MYH11: variants seen among roughly 807,000 people sequenced by gnomAD.
The protein encoded by MYH11 is myosin-11.
In MYH11, 80 loss-of-function variants were observed where a neutral mutation model predicts 246.6. The ratio of observed to expected loss-of-function variants is 0.32; its 90% CI spans 0.27 to 0.39. The LOEUF is 0.39. Ranked by LOEUF, MYH11 falls within the 10% of genes least tolerant of loss-of-function variation. The probability of loss-of-function intolerance (pLI) is 1.00; values close to 1 mark genes in which losing one functional copy is unlikely to be tolerated. For missense variants in MYH11, 2,158 were observed against 2,546.8 expected, an observed-to-expected ratio of 0.85 and a Z score of 3.29; for synonymous variants, 1,071 against 1,015.5, an observed-to-expected ratio of 1.05 and a Z score of -1.04.
intron 13 of MYH11, among the ~76,000 whole-genome samples, chr16:15,757,569 T>C (rs1204219243): frequency 1.3e-5 from 1 of 74,550 alleles, no homozygotes; most frequent in Non-Finnish European, 2.8e-5. Flanking sequence ...GGAAAGAGGG[T>C]AGGGAAGAAA....
In MYH11 at chr16:15,776,090, C is replaced by G; in HGVS notation, c.877G>C (p.Glu293Gln). ...GCTAGTCACTTACTTCTCATCTTCT[C>G]CTTGGCTCCAGCAATCATGTAGTAA... is the stretch of plus-strand genomic sequence containing the variant. ...IFYYMIAGAK[E>Q]KMRSDLLLEG... Residue 293 changes from glutamate (E) to glutamine (Q), a missense_variant, in exon 8 of 41, where the codon GAG becomes CAG. Around this residue, in one of 11 missense-constraint regions of MYH11, gnomAD observed 123 missense variants for 207.1 expected, o/e 0.59. Transcript: ENST00000300036. The G allele has an allele frequency of 6.2e-7, 1 of 1,612,538 alleles. No individual in the cohort carries two copies. Among genetic ancestry groups the G allele is most frequent in the Non-Finnish European group, 8.5e-7 (1 of 1,178,514 alleles).
intron 36 of MYH11, 21 bp from the exon 37 acceptor site, chr16:15,718,459 G>A (rs1312097408): frequency 2.6e-6 from 4 of 1,544,306 alleles, no homozygotes; most frequent in Admixed American, 1.9e-5. Flanking sequence ...GGCGGCCATG[G>A]TGGGGGCCTC....
At position 15,717,034 on chromosome 16, in the gene MYH11, T is replaced by G. The variant is rs2040189512; in HGVS notation, c.5504+106A>C. ...CACTGTAGGCATCACAGAGCTTGCTTCTTACAAGCCAGAACTGATGCTGGA... is the reference window on the plus strand; with the variant it reads ...CACTGTAGGCATCACAGAGCTTGCTGCTTACAAGCCAGAACTGATGCTGGA... On this transcript the variant is annotated intron_variant, in intron 38 of 40. Transcript: ENST00000300036. 3.2e-6 allele frequency: 4 copies of G among 1,249,438 alleles called. No homozygotes were observed. The South Asian group carries it at 3.6e-5, about 11-fold the overall frequency. 77.4% of individuals were successfully genotyped at this position (1,249,438 alleles called of 1,614,324 possible). A position where few individuals can be genotyped will look rare whatever the true frequency, so the allele number is the denominator to read the frequency against.
chr16:15,767,487 T>A (rs1273958419), intron 9 of MYH11, among the ~76,000 whole-genome samples: 2 of 151,990 alleles, frequency 1.3e-5, no homozygotes, highest in Non-Finnish European at 2.9e-5. Context: ...TTACATTTAT[T>A]TTTTTTTCCT....
chr16:15,808,206 G>C (rs1109419), intron 3 of MYH11, among the ~76,000 whole-genome samples: 22,308 of 152,028 alleles, frequency 0.15, 2,160 homozygotes, highest in African/African-American at 0.27. Flanking sequence ...TGACTGTGAA[G>C]GTGGCCACTG....
At chr16:15,818,358 A>G (rs565039536) in intron 3 of MYH11, among the ~76,000 whole-genome samples, 3 of 152,352 alleles carry the variant, frequency 2.0e-5, no homozygotes, top group Admixed American at 1.3e-4. Context: ...GAATGGAGAA[A>G]AAATTAAGCA....
chr16:15,763,234 C>A (rs1014114543), intron 10 of MYH11, among the ~76,000 whole-genome samples: 1 of 152,180 alleles, frequency 6.6e-6, no homozygotes, highest in African/African-American at 2.4e-5. Flanking sequence ...CAATTGAGGT[C>A]TGTCTCCCCA....
chr16:15,779,065 C>A, intron 6 of MYH11: 1 of 642,230 alleles, frequency 1.6e-6, no homozygotes, highest in Non-Finnish European at 2.8e-6. Context: ...AAAACATGTT[C>A]ACAGATCAAT....
rs535669353 is a variant in MYH11, at chr16:15,765,485, AGATGGATGAATG to A, written c.1034-1606_1034-1595del. On this transcript the variant is annotated intron_variant, in intron 9 of 40. Transcript: ENST00000300036. ...GATGGACAGATGATGGATGGATGGT[AGATGGATGAATG>A]GATGGATGATGATTAATGCAAATTC... is the stretch of plus-strand genomic sequence containing the variant. 2.3e-4 allele frequency among the ~76,000 whole-genome samples: 35 copies of A among 152,218 alleles called. No individual in the cohort carries two copies. In the East Asian group the frequency reaches 6.2e-3, roughly 27 times the overall value.
At chr16:15,844,586 G>A (rs1365030578) in intron 1 of MYH11, among the ~76,000 whole-genome samples, 1 of 152,222 alleles carries the variant, frequency 6.6e-6, no homozygotes, top group Non-Finnish European at 1.5e-5. Context: ...GAGGCTGGCA[G>A]TAGCCCACAT....
At chr16:15,809,404 T>C (rs11075282) in intron 3 of MYH11, among the ~76,000 whole-genome samples, 15,033 of 151,606 alleles carry the variant, frequency 0.099, 777 homozygotes, top group Middle Eastern at 0.14. Flanking sequence ...TGATGATCTG[T>C]GCCTGTGGTC....
chr16:15,814,347 G>A (rs921484514), intron 3 of MYH11, among the ~76,000 whole-genome samples: 5 of 151,874 alleles, frequency 3.3e-5, no homozygotes, highest in Non-Finnish European at 7.4e-5. Flanking sequence ...AAGGTCGGGA[G>A]TTCAAGACCA....
intron 1 of MYH11, among the ~76,000 whole-genome samples, chr16:15,856,425 C>T (rs1048700575): frequency 6.6e-6 from 1 of 151,844 alleles, no homozygotes; most frequent in South Asian, 2.1e-4. Context: ...CTGTGCAATA[C>T]GGTCAAATCC....
chr16:15,728,705 G>C (rs145732183), intron 27 of MYH11, among the ~76,000 whole-genome samples: 351 of 152,196 alleles, frequency 2.3e-3, no homozygotes, highest in Admixed American at 7.4e-3. Flanking sequence ...TTTGAGACCA[G>C]CCTGGCCAAC....
rs779265066 is a variant in MYH11 at position 15,720,154 on chromosome 16, C to T, written c.4950G>A (p.Leu1650=). The T allele has an allele frequency of 6.2e-7, 1 of 1,614,134 alleles. No homozygotes were observed. The highest frequency in any genetic ancestry group is 8.5e-7 in the Non-Finnish European group (1 of 1,180,030). The change falls in exon 34 of 41, where the codon CTG becomes CTA. Residue 1650 remains leucine, a synonymous_variant. Transcript: ENST00000300036. The part of the protein sequence containing the change: ...REEAIKQLRK[L]QAQMKDFQRE... The stretch of plus-strand genomic sequence containing the variant: ...CCAAGCTCCTAGTGTCACCCACCTG[C>T]AGTTTGCGTAGCTGCTTGATGGCTT...
At chr16:15,788,796 A>G (rs28437514) in intron 4 of MYH11, among the ~76,000 whole-genome samples, 15,030 of 94,844 alleles carry the variant, frequency 0.16, 1,268 homozygotes, top group African/African-American at 0.31. Context: ...AGACCAGAAT[A>G]TATGTGTGTG....
intron 27 of MYH11, among the ~76,000 whole-genome samples, chr16:15,729,419 T>G (rs151185601): frequency 1.3e-5 from 2 of 152,306 alleles, no homozygotes; most frequent in Non-Finnish European, 2.9e-5. Flanking sequence ...GCTGGTGGTC[T>G]TAATAACTGC....
chr16:15,763,710 C>T, intron 10 of MYH11, 86 bp downstream of exon 10: 1 of 1,143,616 alleles, frequency 8.7e-7, no homozygotes. Context: ...ATACCTTCAC[C>T]TTGAAAAATA....
chr16:15,721,582 C>A lies in MYH11; in HGVS notation c.4418G>T (p.Arg1473Ile), dbSNP rs758663266. The A allele has an allele frequency of 1.4e-5, 23 of 1,614,084 alleles. No homozygotes were observed. Among genetic ancestry groups the A allele is most frequent in the Middle Eastern group, 1.6e-4 (1 of 6,084 alleles). ...ISSKYADERDRAEAEAREKET... is the reference protein window; with the variant it reads ...ISSKYADERDIAEAEAREKET... ...CTTCTCCCTGGCTTCTGCCTCAGCT[C>A]TGTCCCTCTCATCCGCGTATTTGGA... The change falls in exon 32 of 41, where the codon AGA becomes ATA. Residue 1473 changes from arginine (R) to isoleucine (I), a missense_variant. Arg to Ile is a moderately conservative substitution (Grantham distance 97). This residue lies in a region of MYH11 where 1,013 missense variants were observed against 993.5 expected (regional missense o/e 1.02). Transcript: ENST00000300036.
Sources: gnomAD v4.1 joint callset for allele counts (sites outside exome capture counted in the v4.1 genomes callset) on GRCh38, gnomAD v4.1.1 for gene constraint, gnomAD v4.1.1 regional missense constraint, MANE v1.5 for transcripts, NCBI Gene and HGNC (gene_info 2026-07-23, HGNC 2026-07-21) for gene names.